GRIA2: variants seen among roughly 807,000 people sequenced by gnomAD.
The protein encoded by GRIA2 is glutamate ionotropic receptor AMPA type subunit 2.
In GRIA2, 14 loss-of-function variants were observed where a neutral mutation model predicts 97.3. That is an observed-to-expected ratio of 0.14 (90% CI 0.10 to 0.23). The LOEUF is 0.23. Among genes scored for constraint, GRIA2 ranks in the 10% least tolerant of loss-of-function variants. The pLI is 1.00. For missense variants in GRIA2, 558 were observed against 1,069.8 expected, an observed-to-expected ratio of 0.52 and a Z score of 6.67; for synonymous variants, 412 against 387.8, an observed-to-expected ratio of 1.06 and a Z score of -0.73.
intron 7 of GRIA2, 33 bp from the exon 8 acceptor site, chr4:157,333,216 T>C: frequency 7.9e-7 from 1 of 1,267,830 alleles, no homozygotes; most frequent in Non-Finnish European, 1.1e-6. Context: ...GAAGTAAATA[T>C]ATAACTCTGC....
At position 157,228,707 on chromosome 4, in the gene GRIA2, C is replaced by T. The variant is rs80348787; in HGVS notation, c.229+6900C>T. Among the ~76,000 whole-genome samples the T allele has an allele frequency of 9.2e-4, 127 of 138,412 alleles. 1 individual carries two copies. Among genetic ancestry groups the T allele is most frequent in the African/African-American group, 3.2e-3 (122 of 37,574 alleles). The allele number at this position is 138,412 out of a possible 152,430, so 90.8% of individuals were successfully genotyped here. Reference sequence around the variant, plus strand: ...ACTCAGGAGGCTGAGGCAGTAGGATCGGTTGAACCCATGAGAGAGATGTTG... The same window carrying T: ...ACTCAGGAGGCTGAGGCAGTAGGATTGGTTGAACCCATGAGAGAGATGTTG... On this transcript the variant is annotated intron_variant, in intron 2 of 15. Coordinates refer to ENST00000264426, the MANE Select transcript of GRIA2 (RefSeq NM_001083619.3).
intron 6 of GRIA2, among the ~76,000 whole-genome samples, chr4:157,329,487 C>A (rs1256609639): frequency 4.6e-5 from 7 of 151,836 alleles, no homozygotes; most frequent in Admixed American, 4.6e-4. Flanking sequence ...CAAAATTGGT[C>A]ATTAATTTGG....
chr4:157,274,525 AC>A (rs1732191464), intron 2 of GRIA2, among the ~76,000 whole-genome samples: 1 of 41,978 alleles, frequency 2.4e-5, no homozygotes, highest in Non-Finnish European at 4.8e-5. Flanking sequence ...CCCTCCCCCC[AC>A]CCCACAACAG....
chr4:157,360,165 T>C, intron 13 of GRIA2, 22 bp downstream of exon 13: 1 of 1,607,354 alleles, frequency 6.2e-7, no homozygotes, highest in Non-Finnish European at 8.5e-7. Context: ...AGTATAACAA[T>C]ATGCTAAATG....
rs192705512 is a variant in GRIA2, at chr4:157,302,786, G to A, written c.230-766G>A. Among the ~76,000 whole-genome samples, 18 of 152,224 alleles carry A rather than the reference G, an allele frequency of 1.2e-4. No individual in the cohort carries two copies. The East Asian group carries it at 2.7e-3, about 23-fold the overall frequency. ...AGTTATGGACTGACTTTTGGGGGAA[G>A]GAGTGAAAGCAGATAGTGTCATATG... On this transcript the variant is annotated intron_variant, in intron 2 of 15. Coordinates refer to ENST00000264426, the MANE Select transcript of GRIA2 (RefSeq NM_001083619.3).
chr4:157,341,520 C>G, intron 12 of GRIA2, 58 bp downstream of exon 12: 1 of 1,151,716 alleles, frequency 8.7e-7, no homozygotes, highest in African/African-American at 1.5e-5. Flanking sequence ...CCTATTTAAA[C>G]TTTGTTTCCC....
chr4:157,292,909 T>A (rs943823500), intron 2 of GRIA2, among the ~76,000 whole-genome samples: 6 of 152,124 alleles, frequency 3.9e-5, no homozygotes, highest in Non-Finnish European at 8.8e-5. Flanking sequence ...CCCATGTGGC[T>A]TTACAGTATA....
intron 2 of GRIA2, among the ~76,000 whole-genome samples, chr4:157,234,992 C>A (rs1362027589): frequency 6.6e-6 from 1 of 152,028 alleles, no homozygotes; most frequent in Non-Finnish European, 1.5e-5. Context: ...TGAATTGACT[C>A]TTATTCTTCT....
chr4:157,292,553 G>A (rs1229184685), intron 2 of GRIA2, among the ~76,000 whole-genome samples: 1 of 151,666 alleles, frequency 6.6e-6, no homozygotes, highest in Non-Finnish European at 1.5e-5. Flanking sequence ...TCATAAACAC[G>A]GAAAAAGGTA....
At chr4:157,303,982 A>G (rs184249664) in intron 3 of GRIA2, among the ~76,000 whole-genome samples, 191 bp downstream of exon 3, 4 of 152,318 alleles carry the variant, frequency 2.6e-5, no homozygotes, top group Non-Finnish European at 4.4e-5. Flanking sequence ...AACAACAACT[A>G]CAAAAGCTGT....
chr4:157,353,348 G>A (rs557646772), intron 12 of GRIA2, among the ~76,000 whole-genome samples: 4 of 149,928 alleles, frequency 2.7e-5, no homozygotes, highest in Non-Finnish European at 4.4e-5. Flanking sequence ...GCAAAACTCT[G>A]TCTCAAAAAC....
rs183639164 is a variant in GRIA2, at chr4:157,273,342, C to T, written c.230-30210C>T. 2.1e-3 allele frequency among the ~76,000 whole-genome samples: 325 copies of T among 151,776 alleles called. 1 individual carries two copies. Among genetic ancestry groups the T allele is most frequent in the African/African-American group, 7.8e-3 (322 of 41,432 alleles). ...CCAGTACATCATGTCCAGAAAAATA[C>T]GAGGGATACTAAAGGCAGAAAACAG... is the stretch of plus-strand genomic sequence containing the variant. On this transcript the variant is annotated intron_variant, in intron 2 of 15. Transcript: ENST00000264426.
Position 157,242,390 on chromosome 4 carries a change from A to G in GRIA2, c.229+20583A>G, listed in dbSNP as rs142694669. 2.4e-3 allele frequency among the ~76,000 whole-genome samples: 372 copies of G among 152,170 alleles called. 4 individuals are homozygous for G. The highest frequency in any genetic ancestry group is 8.4e-3 in the African/African-American group (349 of 41,560). On this transcript the variant is annotated intron_variant, in intron 2 of 15. Coordinates refer to ENST00000264426, the MANE Select transcript of GRIA2 (RefSeq NM_001083619.3). Reference sequence around the variant, plus strand: ...TGTTACCTTGTTGATAATGGAGATGATTTGTTGCCTCGGAAAATAAAAGCA... The same window carrying G: ...TGTTACCTTGTTGATAATGGAGATGGTTTGTTGCCTCGGAAAATAAAAGCA...
chr4:157,344,388 T>C (rs1735679987), intron 12 of GRIA2, among the ~76,000 whole-genome samples: 1 of 152,154 alleles, frequency 6.6e-6, no homozygotes, highest in South Asian at 2.1e-4. Context: ...GTAAGGTAGA[T>C]ACAGAACAGA....
intron 2 of GRIA2, among the ~76,000 whole-genome samples, chr4:157,265,510 A>G (rs1027015590): frequency 1.3e-5 from 2 of 152,100 alleles, no homozygotes; most frequent in African/African-American, 4.8e-5. Context: ...GGATGAACAA[A>G]TGTTCTAAGA....
At chr4:157,270,251 G>C (rs1311596432) in intron 2 of GRIA2, among the ~76,000 whole-genome samples, 1 of 152,030 alleles carries the variant, frequency 6.6e-6, no homozygotes, top group Non-Finnish European at 1.5e-5. Context: ...GTTGGTGTGT[G>C]TTCCGTGTAA....
intron 2 of GRIA2, among the ~76,000 whole-genome samples, chr4:157,287,612 T>C (rs930757119): frequency 1.3e-5 from 2 of 151,722 alleles, no homozygotes; most frequent in African/African-American, 4.8e-5. Context: ...ACTATGTAAA[T>C]TGAAACTGAA....
rs546104740 is a variant in GRIA2, at chr4:157,260,021, T to C, written c.229+38214T>C. ...CTACTGTTGTGGTCACAAGTCTATG[T>C]CATAACAGAGTTCATTGTCCTTTTT... On this transcript the variant is annotated intron_variant, in intron 2 of 15. Coordinates refer to ENST00000264426, the MANE Select transcript of GRIA2 (RefSeq NM_001083619.3). 1.3e-5 allele frequency among the ~76,000 whole-genome samples: 2 copies of C among 152,278 alleles called. 1 individual carries two copies. Among genetic ancestry groups the C allele is most frequent in the South Asian group, 4.1e-4 (2 of 4,828 alleles).
intron 2 of GRIA2, among the ~76,000 whole-genome samples, chr4:157,224,161 C>T (rs557849118): frequency 6.6e-6 from 1 of 152,192 alleles, no homozygotes; most frequent in South Asian, 2.1e-4. Flanking sequence ...GTTTTTTCCC[C>T]TCCTCAGGAA....
Sources: gnomAD v4.1 joint callset for allele counts (sites outside exome capture counted in the v4.1 genomes callset) on GRCh38, gnomAD v4.1.1 for gene constraint, MANE v1.5 for transcripts, NCBI Gene and HGNC (gene_info 2026-07-23, HGNC 2026-07-21) for gene names.